SPIRE2: variants seen among roughly 807,000 people sequenced by gnomAD.
The protein encoded by SPIRE2 is spire type actin nucleation factor 2.
SPIRE2 carries 76 observed loss-of-function variants against 80.7 expected under a neutral mutation model. The ratio of observed to expected loss-of-function variants is 0.94; its 90% CI spans 0.78 to 1.14. The LOEUF (loss-of-function observed/expected upper bound fraction) is 1.14, where lower values mean the gene tolerates loss of function less well. SPIRE2 is among the 50% of genes most tolerant of loss of function. SPIRE2 has a pLI of 0.00. For missense variants in SPIRE2, 1,196 were observed against 1,015.3 expected, an observed-to-expected ratio of 1.18 and a Z score of -2.42; for synonymous variants, 535 against 432.6, an observed-to-expected ratio of 1.24 and a Z score of -2.94.
At chr16:89,851,090 G>A (rs1458957496) in intron 3 of SPIRE2, among the ~76,000 whole-genome samples, 1 of 152,118 alleles carries the variant, frequency 6.6e-6, no homozygotes, top group Non-Finnish European at 1.5e-5. Flanking sequence ...CAAAGTGCTG[G>A]GATTACAGGC....
intron 1 of SPIRE2, among the ~76,000 whole-genome samples, chr16:89,840,827 C>CG (rs1215720934): frequency 6.6e-6 from 1 of 150,814 alleles, no homozygotes; most frequent in Non-Finnish European, 1.5e-5. Flanking sequence ...TTAGTAGAGA[C>CG]GGGGTTTCAC....
chr16:89,831,322 G>A (rs1454236807), intron 1 of SPIRE2, among the ~76,000 whole-genome samples: 1 of 150,504 alleles, frequency 6.6e-6, no homozygotes, highest in Admixed American at 6.6e-5. Context: ...CACCCTGATT[G>A]GCTACTTTAC....
At chr16:89,858,210 G>A (rs543174411) in intron 7 of SPIRE2, 128 bp from the exon 8 acceptor site, 2 of 1,010,718 alleles carry the variant, frequency 2.0e-6, no homozygotes, top group South Asian at 3.7e-5. Flanking sequence ...TTAAATGGCT[G>A]GCTAGCCCTC....
intron 1 of SPIRE2, among the ~76,000 whole-genome samples, chr16:89,842,879 G>A (rs1431447560): frequency 2.0e-5 from 3 of 152,250 alleles, no homozygotes; most frequent in African/African-American, 7.2e-5. Flanking sequence ...TGATGCGGGG[G>A]TGGATTGCTT....
chr16:89,843,698 G>GTTTTTTTT (rs568062812), intron 1 of SPIRE2, among the ~76,000 whole-genome samples: 2 of 18,216 alleles, frequency 1.1e-4, no homozygotes, highest in Non-Finnish European at 1.9e-4. Context: ...TTTGTTTTTT[G>GTTTTTTTT]TTTTTTTTTT....
chr16:89,859,860 G>A (rs2041727287), intron 9 of SPIRE2, among the ~76,000 whole-genome samples: 1 of 152,126 alleles, frequency 6.6e-6, no homozygotes, highest in Admixed American at 6.5e-5. Context: ...GCGACTCAGG[G>A]TTCTTGTCTC....
intron 13 of SPIRE2, among the ~76,000 whole-genome samples, chr16:89,869,254 G>A (rs2041818146): frequency 6.6e-6 from 1 of 151,154 alleles, no homozygotes; most frequent in African/African-American, 2.4e-5. Flanking sequence ...GTATAAAAAG[G>A]GAAAGTTCTT....
At position 89,845,950 on chromosome 16, in the gene SPIRE2, G is replaced by A. The variant is rs2041554992; in HGVS notation, c.288+585G>A. On this transcript the variant is annotated intron_variant, in intron 2 of 14. Transcript: ENST00000378247. ...CGCGCTCTGTCGCCCAGGCTGGAGT[G>A]CAGTGGTGTGATCTCGGCTTACTGC... 3.8e-5 allele frequency: 12 copies of A among 318,640 alleles called. 2 individuals carry two copies. The South Asian group carries it at 5.7e-4, about 15-fold the overall frequency. The allele number at this position is 318,640 out of a possible 1,614,324, so 19.7% of individuals were successfully genotyped here. A position where few individuals can be genotyped will look rare whatever the true frequency, so the allele number is the denominator to read the frequency against.
chr16:89,855,827 G>C (rs1349509969), intron 6 of SPIRE2, 141 bp downstream of exon 6: 7 of 948,350 alleles, frequency 7.4e-6, no homozygotes, highest in African/African-American at 1.6e-5. Context: ...GGTGAGGCGG[G>C]CTGGCTTCCT....
intron 7 of SPIRE2, among the ~76,000 whole-genome samples, chr16:89,858,030 G>A (rs571570955): frequency 9.2e-5 from 14 of 151,932 alleles, no homozygotes; most frequent in African/African-American, 2.4e-4. Flanking sequence ...CTACAGGCGC[G>A]TGCCACCACG....
rs775419605 is a variant in SPIRE2, at chr16:89,855,586, C to T, written c.892-14C>T. ...GGTCCCTGCAGGGCCTCAGATCAGC[C>T]GTCCTCCCCGCAGGTGGATGGGGAC... is the stretch of plus-strand genomic sequence containing the variant. On this transcript the variant is annotated splice_polypyrimidine_tract_variant and intron_variant, in intron 5 of 14. Coordinates refer to ENST00000378247, the MANE Select transcript of SPIRE2 (RefSeq NM_032451.2). The T allele has an allele frequency of 1.9e-5, 31 of 1,610,840 alleles. No homozygotes were observed. Among genetic ancestry groups the T allele is most frequent in the Middle Eastern group, 1.7e-4 (1 of 6,056 alleles).
At chr16:89,842,858 A>G (rs1040361717) in intron 1 of SPIRE2, among the ~76,000 whole-genome samples, 2 of 152,204 alleles carry the variant, frequency 1.3e-5, no homozygotes, top group African/African-American at 2.4e-5. Context: ...ACATTGTTCT[A>G]TGAACTCCAC....
At chr16:89,869,734 G>A in intron 14 of SPIRE2, 52 bp downstream of exon 14, 2 of 1,425,026 alleles carry the variant, frequency 1.4e-6, no homozygotes, top group Non-Finnish European at 2.0e-6. Context: ...GGCGTGAAGA[G>A]GAACTTGGGA....
intron 2 of SPIRE2, among the ~76,000 whole-genome samples, chr16:89,848,112 C>T (rs1265233971): frequency 6.6e-6 from 1 of 152,242 alleles, no homozygotes; most frequent in Non-Finnish European, 1.5e-5. Context: ...GCCCTTCCCT[C>T]TGGGAATTTG....
intron 12 of SPIRE2, among the ~76,000 whole-genome samples, chr16:89,866,599 A>AT (rs11291938): frequency 4.0e-4 from 60 of 148,876 alleles, no homozygotes; most frequent in Non-Finnish European, 6.6e-4. Context: ...CCAGCCTTGA[A>AT]TTTTTTTTTT....
chr16:89,835,829 C>T (rs937080446), intron 1 of SPIRE2, among the ~76,000 whole-genome samples: 3 of 152,100 alleles, frequency 2.0e-5, no homozygotes, highest in African/African-American at 4.8e-5. Flanking sequence ...CATTCCAGCG[C>T]GTGTGTCTCT....
chr16:89,848,375 C>A (rs1330970383), intron 2 of SPIRE2, among the ~76,000 whole-genome samples: 1 of 152,274 alleles, frequency 6.6e-6, no homozygotes, highest in Non-Finnish European at 1.5e-5. Context: ...CCAAGGTGGG[C>A]TGGGGCTCCA....
intron 7 of SPIRE2, among the ~76,000 whole-genome samples, 189 bp downstream of exon 7, chr16:89,856,425 T>G (rs2041692478): frequency 6.6e-6 from 1 of 151,810 alleles, no homozygotes; most frequent in South Asian, 2.1e-4. Flanking sequence ...GATAAAAAAT[T>G]TAAATTAAAT....
rs150059400 is a variant in SPIRE2 at position 89,855,616 on chromosome 16, C to T, written c.908C>T (p.Pro303Leu). The T allele has an allele frequency of 2.4e-4, 382 of 1,612,722 alleles. 4 individuals carry two copies. In the South Asian group the frequency reaches 3.6e-3, roughly 15 times the overall value. Residue 303 changes from proline (P) to leucine (L), a missense_variant, in exon 6 of 15, where the codon CCG becomes CTG. By Grantham distance (98) the Pro-to-Leu change is moderately conservative. Transcript: ENST00000378247. ...LRKVMVDGDI[P>L]PRVKKDAHEL... ...TCCCCGCAGGTGGATGGGGACATCC[C>T]GCCCCGGGTGAAGAAGGACGCTCAC...
Sources: gnomAD v4.1 joint callset for allele counts (sites outside exome capture counted in the v4.1 genomes callset) on GRCh38, gnomAD v4.1.1 for gene constraint, MANE v1.5 for transcripts, NCBI Gene and HGNC (gene_info 2026-07-23, HGNC 2026-07-21) for gene names.